CYP2J2: variants seen among roughly 807,000 people sequenced by gnomAD.
The protein encoded by CYP2J2 is cytochrome P450 family 2 subfamily J member 2.
Under a neutral mutation model 48.8 loss-of-function variants are expected in CYP2J2, and 41 were observed. The observed-to-expected ratio is 0.84, with a 90% CI of 0.66 to 1.09. The LOEUF (loss-of-function observed/expected upper bound fraction) is 1.09. CYP2J2 is among the 50% of genes least tolerant of loss of function. The probability of loss-of-function intolerance (pLI) is 0.00; values close to 1 mark genes in which losing one functional copy is unlikely to be tolerated. For missense variants in CYP2J2, 644 were observed against 617.3 expected, an observed-to-expected ratio of 1.04 and a Z score of -0.46; for synonymous variants, 221 against 227.1, an observed-to-expected ratio of 0.97 and a Z score of 0.24.
At chr1:59,911,522 C>CA (rs879178452) in intron 4 of CYP2J2, 86 bp downstream of exon 4, 204 of 1,013,912 alleles carry the variant, frequency 2.0e-4, no homozygotes, top group African/African-American at 3.5e-4. Context: ...TTCAAAAACC[C>CA]AAAAAAAACT....
chr1:59,944,802 A>T, the CYP2J2 span, among the ~76,000 whole-genome samples: 1 of 152,162 alleles, frequency 6.6e-6, no homozygotes, highest in Non-Finnish European at 1.5e-5. Flanking sequence ...ATTTCAAAAA[A>T]TGCATTATTT....
the CYP2J2 span, among the ~76,000 whole-genome samples, chr1:59,950,538 A>G: frequency 6.6e-6 from 1 of 152,058 alleles, no homozygotes; most frequent in Admixed American, 6.6e-5. Context: ...TGCTAACCAA[A>G]CTCTGCCATC....
chr1:59,954,763 A>G, the CYP2J2 span, among the ~76,000 whole-genome samples: 1 of 152,174 alleles, frequency 6.6e-6, no homozygotes, highest in Admixed American at 6.5e-5. Flanking sequence ...ACAAAAAACT[A>G]TGGAATGCAG....
At chr1:59,933,958 T>C in the CYP2J2 span, among the ~76,000 whole-genome samples, 1 of 152,076 alleles carries the variant, frequency 6.6e-6, no homozygotes, top group Non-Finnish European at 1.5e-5. Flanking sequence ...AAAACAAAGC[T>C]GCAGGCACAA....
chr1:59,915,134 T>C (rs1337289357), intron 2 of CYP2J2, among the ~76,000 whole-genome samples: 1 of 152,226 alleles, frequency 6.6e-6, no homozygotes, highest in African/African-American at 2.4e-5. Context: ...CTCCCCACTA[T>C]CACTCTGCTC....
upstream of CYP2J2, among the ~76,000 whole-genome samples, chr1:59,928,258 A>G (rs1333034978): frequency 6.6e-6 from 1 of 152,220 alleles, no homozygotes; most frequent in African/African-American, 2.4e-5. Flanking sequence ...GAAACCCCAC[A>G]GAACCTCTTC....
upstream of CYP2J2, among the ~76,000 whole-genome samples, chr1:59,928,362 A>C (rs984849403): frequency 6.6e-6 from 1 of 152,176 alleles, no homozygotes; most frequent in Non-Finnish European, 1.5e-5. Flanking sequence ...TAAATAAATA[A>C]ATTTTATTTA....
chr1:59,950,710 T>C, the CYP2J2 span, among the ~76,000 whole-genome samples: 4 of 152,222 alleles, frequency 2.6e-5, no homozygotes, highest in African/African-American at 7.2e-5. Context: ...GGACTGTTCA[T>C]CTCAGTCCTG....
intron 8 of CYP2J2, among the ~76,000 whole-genome samples, chr1:59,896,853 T>A (rs1211599186): frequency 6.6e-6 from 1 of 152,262 alleles, no homozygotes. Flanking sequence ...GTCAACATTT[T>A]AACATATTTC....
chr1:59,967,750 T>A, the CYP2J2 span, among the ~76,000 whole-genome samples: 3 of 152,264 alleles, frequency 2.0e-5, no homozygotes, highest in African/African-American at 7.2e-5. Flanking sequence ...GCACTGGGTA[T>A]GGACGTGGGA....
At chr1:59,962,544 A>C in the CYP2J2 span, among the ~76,000 whole-genome samples, 1 of 152,236 alleles carries the variant, frequency 6.6e-6, no homozygotes, top group Non-Finnish European at 1.5e-5. Flanking sequence ...AAAATCAAAC[A>C]AACAGAGAAA....
chr1:59,965,840 C>T, the CYP2J2 span, among the ~76,000 whole-genome samples: 43 of 152,110 alleles, frequency 2.8e-4, no homozygotes, highest in Admixed American at 1.3e-3. Flanking sequence ...CTAGTAGAGA[C>T]GGGGCTTCGT....
chr1:59,925,478 G>A (rs936981221), intron 1 of CYP2J2, among the ~76,000 whole-genome samples: 3 of 152,094 alleles, frequency 2.0e-5, no homozygotes, highest in Non-Finnish European at 4.4e-5. Context: ...TACATAGTAT[G>A]ATGTTTGACC....
intron 8 of CYP2J2, among the ~76,000 whole-genome samples, chr1:59,895,590 G>A (rs1388162753): frequency 6.6e-6 from 1 of 152,032 alleles, no homozygotes; most frequent in Non-Finnish European, 1.5e-5. Flanking sequence ...ATTAAGCTGT[G>A]ATCCATTCTT....
At chr1:59,908,006 C>A in intron 5 of CYP2J2, 79 bp from the exon 6 acceptor site, 1 of 1,391,912 alleles carries the variant, frequency 7.2e-7, no homozygotes, top group Non-Finnish European at 1.0e-6. Context: ...GGGGCTTCAT[C>A]CTAGGAGGAC....
intron 1 of CYP2J2, among the ~76,000 whole-genome samples, chr1:59,920,860 G>T (rs897525897): frequency 6.6e-6 from 1 of 152,008 alleles, no homozygotes; most frequent in African/African-American, 2.4e-5. Context: ...CCCATGTTTA[G>T]TATTGTTGTG....
chr1:59,932,909 C>T, the CYP2J2 span, among the ~76,000 whole-genome samples: 6 of 152,024 alleles, frequency 3.9e-5, no homozygotes, highest in Non-Finnish European at 8.8e-5. Context: ...CCATGTTGGC[C>T]CAGCTGGTCT....
At chr1:59,921,502 C>A (rs1162377108) in intron 1 of CYP2J2, among the ~76,000 whole-genome samples, 1 of 152,010 alleles carries the variant, frequency 6.6e-6, no homozygotes, top group Non-Finnish European at 1.5e-5. Context: ...GGAATGCAAC[C>A]CTTGTGGAGA....
chr1:59,949,197 G>A, the CYP2J2 span, among the ~76,000 whole-genome samples: 4 of 152,042 alleles, frequency 2.6e-5, no homozygotes, highest in African/African-American at 9.7e-5. Flanking sequence ...CAACTTATGG[G>A]TCCATAGAGC....
Sources: gnomAD v4.1 joint callset for allele counts (sites outside exome capture counted in the v4.1 genomes callset) on GRCh38, gnomAD v4.1.1 for gene constraint, MANE v1.5 for transcripts, NCBI Gene and HGNC (gene_info 2026-07-23, HGNC 2026-07-21) for gene names.